The following KCND2 variants were observed in gnomAD, a reference collection of about 807,000 sequenced individuals.
KCND2 encodes potassium voltage-gated channel subfamily D member 2.
KCND2 carries 16 observed loss-of-function variants against 54.4 expected under a neutral mutation model. That is an observed-to-expected ratio of 0.29 (90% CI 0.20 to 0.45). The LOEUF (loss-of-function observed/expected upper bound fraction) is 0.45, where lower values mean the gene tolerates loss of function less well. Ranked by LOEUF, KCND2 falls within the 20% of genes least tolerant of loss-of-function variation. The pLI is 1.00. For missense variants in KCND2, 486 were observed against 824.2 expected (o/e 0.59, Z 5.02); for synonymous variants, 317 against 310.7 (o/e 1.02, Z -0.21).
At chr7:120,619,848 A>C (rs1228535176) in intron 1 of KCND2, among the ~76,000 whole-genome samples, 1 of 152,204 alleles carries the variant, frequency 6.6e-6, no homozygotes, top group Non-Finnish European at 1.5e-5. Context: ...TTGGCTTATG[A>C]TCTTTTGAAA....
At chr7:120,705,576 A>G (rs1022935341) in intron 1 of KCND2, among the ~76,000 whole-genome samples, 1 of 152,168 alleles carries the variant, frequency 6.6e-6, no homozygotes, top group Non-Finnish European at 1.5e-5. Flanking sequence ...TGGTGTAAGT[A>G]TTCAATAACT....
chr7:120,400,558 A>G (rs1017568215), intron 1 of KCND2, among the ~76,000 whole-genome samples: 2 of 152,198 alleles, frequency 1.3e-5, no homozygotes, highest in Admixed American at 6.5e-5. Flanking sequence ...AAAGCAACAA[A>G]TTGTTTGTGA....
chr7:120,684,003 C>T (rs1325846409), intron 1 of KCND2, among the ~76,000 whole-genome samples: 1 of 152,074 alleles, frequency 6.6e-6, no homozygotes, highest in Non-Finnish European at 1.5e-5. Flanking sequence ...TCTCTGGCTT[C>T]TTACTTGAGC....
intron 1 of KCND2, among the ~76,000 whole-genome samples, chr7:120,637,277 A>C (rs1207440201): frequency 6.6e-6 from 1 of 152,076 alleles, no homozygotes; most frequent in African/African-American, 2.4e-5. Context: ...TGAGAACAAA[A>C]AGTCCAGGCA....
chr7:120,621,574 T>A (rs915171314), intron 1 of KCND2, among the ~76,000 whole-genome samples: 22 of 152,262 alleles, frequency 1.4e-4, no homozygotes, highest in South Asian at 4.1e-4. Flanking sequence ...TTTAATTTTT[T>A]AAAAAAATTT....
chr7:120,365,391 A>G (rs941567275), intron 1 of KCND2, among the ~76,000 whole-genome samples: 2 of 152,134 alleles, frequency 1.3e-5, no homozygotes, highest in Admixed American at 6.6e-5. Context: ...AGACAGTAGC[A>G]ATCTAGCAGG....
intron 1 of KCND2, among the ~76,000 whole-genome samples, chr7:120,705,880 A>G (rs1442103844): frequency 6.6e-6 from 1 of 151,802 alleles, no homozygotes; most frequent in African/African-American, 2.4e-5. Context: ...AGTGCCTTTG[A>G]TTCCTTCTCT....
chr7:120,622,641 T>G (rs1287055869), intron 1 of KCND2, among the ~76,000 whole-genome samples: 1 of 149,904 alleles, frequency 6.7e-6, no homozygotes, highest in Admixed American at 6.7e-5. Context: ...CTCTCAGGCT[T>G]TAAAGTAACA....
chr7:120,348,060 C>T (rs1284954524), intron 1 of KCND2, among the ~76,000 whole-genome samples: 1 of 152,148 alleles, frequency 6.6e-6, no homozygotes, highest in African/African-American at 2.4e-5. Flanking sequence ...CTCCCAGAGA[C>T]TGCACCATCT....
At chr7:120,446,948 T>G (rs1268209774) in intron 1 of KCND2, among the ~76,000 whole-genome samples, 2 of 152,226 alleles carry the variant, frequency 1.3e-5, no homozygotes, top group Non-Finnish European at 2.9e-5. Context: ...GATTCAAACT[T>G]TCATTCAGTT....
Position 120,647,371 on chromosome 7 carries a change from A to C in KCND2, c.1116-85532A>C, listed in dbSNP as rs568524479. On this transcript the variant is annotated intron_variant, in intron 1 of 5. Transcript: ENST00000331113. Reference sequence around the variant, plus strand: ...TCAAACACCTACACCACAGCTGCTGAGCCTTTCAGATAAGGCGGGGATAGA... The same window carrying C: ...TCAAACACCTACACCACAGCTGCTGCGCCTTTCAGATAAGGCGGGGATAGA... Among the ~76,000 whole-genome samples the C allele has an allele frequency of 5.9e-5, 9 of 152,308 alleles. No individual in the cohort carries two copies. In the South Asian group the frequency reaches 1.9e-3, roughly 32 times the overall value.
At chr7:120,442,290 G>A (rs966002375) in intron 1 of KCND2, among the ~76,000 whole-genome samples, 7 of 152,104 alleles carry the variant, frequency 4.6e-5, no homozygotes, top group Non-Finnish European at 1.0e-4. Context: ...TGTCCAGCAT[G>A]ATAATTTTTG....
At chr7:120,629,968 A>T (rs1793212764) in intron 1 of KCND2, among the ~76,000 whole-genome samples, 1 of 152,140 alleles carries the variant, frequency 6.6e-6, no homozygotes, top group African/African-American at 2.4e-5. Context: ...ACTAGCCTGG[A>T]GTTCAGGGAA....
intron 1 of KCND2, among the ~76,000 whole-genome samples, chr7:120,291,827 A>G (rs1011593777): frequency 6.6e-6 from 1 of 151,902 alleles, no homozygotes; most frequent in Non-Finnish European, 1.5e-5. Flanking sequence ...TGAGTTGAAA[A>G]GAATAAAAGT....
At chr7:120,652,127 G>A (rs1301883163) in intron 1 of KCND2, among the ~76,000 whole-genome samples, 1 of 151,014 alleles carries the variant, frequency 6.6e-6, no homozygotes, top group Non-Finnish European at 1.5e-5. Context: ...TGAGGCTGGA[G>A]TGCAGTGGCA....
At position 120,716,632 on chromosome 7, in the gene KCND2, C is replaced by A. The variant is rs141823546; in HGVS notation, c.1116-16271C>A. Among the ~76,000 whole-genome samples, 369 of 152,232 alleles carry A rather than the reference C, an allele frequency of 2.4e-3. 3 individuals are homozygous for A. Among genetic ancestry groups the A allele is most frequent in the African/African-American group, 7.8e-3 (326 of 41,554 alleles). On this transcript the variant is annotated intron_variant, in intron 1 of 5. Coordinates refer to ENST00000331113, the MANE Select transcript of KCND2 (RefSeq NM_012281.3). The stretch of plus-strand genomic sequence containing the variant: ...AAAAGCTTTTTCTAGGCATAACCAG[C>A]CCTGGCTAAAACTTTTCAATAGCCT...
chr7:120,747,676 A>G lies in KCND2; in HGVS notation c.1716-5A>G. The stretch of plus-strand genomic sequence containing the variant: ...TACTTTCCTAAATATTTTTTTTTCT[A>G]TCAGCCGATCCAGTTTAAATGCCAA... On this transcript the variant is annotated splice_polypyrimidine_tract_variant and splice_region_variant and intron_variant, in intron 5 of 5. Coordinates refer to ENST00000331113, the MANE Select transcript of KCND2 (RefSeq NM_012281.3). The G allele has an allele frequency of 6.2e-7, 1 of 1,608,692 alleles. No homozygotes were observed.
At chr7:120,455,866 C>T (rs1802192042) in intron 1 of KCND2, among the ~76,000 whole-genome samples, 1 of 152,060 alleles carries the variant, frequency 6.6e-6, no homozygotes, top group South Asian at 2.1e-4. Context: ...AAGTACTATG[C>T]TTATTACCTG....
intron 1 of KCND2, among the ~76,000 whole-genome samples, chr7:120,518,814 A>G (rs1466704832): frequency 6.6e-6 from 1 of 152,170 alleles, no homozygotes; most frequent in Non-Finnish European, 1.5e-5. Flanking sequence ...TTTACATGAC[A>G]AAAGGGACTT....
Sources: allele counts gnomAD v4.1 joint callset (sites outside exome capture counted in the v4.1 genomes callset), GRCh38; gene constraint gnomAD v4.1.1; transcripts MANE v1.5; gene names NCBI Gene and HGNC (gene_info 2026-07-23, HGNC 2026-07-21).